Variants in PRRC1 observed in about 807,000 individuals in gnomAD.
The protein encoded by PRRC1 is proline rich coiled-coil 1.
In PRRC1, 39 loss-of-function variants were observed where a neutral mutation model predicts 40.7. The observed-to-expected ratio is 0.96, with a 90% CI of 0.74 to 1.25. PRRC1 has a LOEUF of 1.25. Among genes scored for constraint, PRRC1 ranks in the 50% most tolerant of loss-of-function variants. The probability of loss-of-function intolerance (pLI) is 0.00; values close to 1 mark genes in which losing one functional copy is unlikely to be tolerated. For synonymous variants in PRRC1, 175 were observed against 193.3 expected (o/e 0.91, Z 0.79); for missense variants, 573 against 548.3 (o/e 1.05, Z -0.45).
At chr5:127,544,616 T>C (rs1768159033) in intron 7 of PRRC1, among the ~76,000 whole-genome samples, 1 of 152,228 alleles carries the variant, frequency 6.6e-6, no homozygotes, top group African/African-American at 2.4e-5. Flanking sequence ...CGCTGCCGCC[T>C]TGCAGTTTGA....
intron 6 of PRRC1, among the ~76,000 whole-genome samples, chr5:127,534,186 T>C (rs949336841): frequency 2.6e-5 from 4 of 152,170 alleles, no homozygotes; most frequent in African/African-American, 9.7e-5. Flanking sequence ...TTTCATACTT[T>C]ATTTTCCTCT....
chr5:127,529,360 G>GT lies in PRRC1; in HGVS notation c.655-925dup, dbSNP rs202077910. Among the ~76,000 whole-genome samples the GT allele has an allele frequency of 1.1e-3, 165 of 151,176 alleles. 2 individuals are homozygous for GT. The highest frequency in any genetic ancestry group is 7.7e-3 in the Admixed American group (117 of 15,114). On this transcript the variant is annotated intron_variant, in intron 4 of 8. Coordinates refer to ENST00000296666, the MANE Select transcript of PRRC1 (RefSeq NM_130809.5). ...ATACCCCTCTGTACTTTTTTAAAAA[G>GT]TTTTTTTTTGCATACAGACTACAAC...
intron 4 of PRRC1, among the ~76,000 whole-genome samples, chr5:127,528,326 T>C (rs972647576): frequency 3.9e-5 from 6 of 152,164 alleles, no homozygotes; most frequent in Admixed American, 2.6e-4. Context: ...TTCTTTTCTC[T>C]TTTTTGAGAC....
At chr5:127,529,370 G>A (rs1767705102) in intron 4 of PRRC1, among the ~76,000 whole-genome samples, 1 of 150,492 alleles carries the variant, frequency 6.6e-6, no homozygotes, top group Admixed American at 6.6e-5. Flanking sequence ...GTTTTTTTTT[G>A]CATACAGACT....
At chr5:127,543,278 C>A (rs1476777644) in intron 7 of PRRC1, among the ~76,000 whole-genome samples, 1 of 151,990 alleles carries the variant, frequency 6.6e-6, no homozygotes, top group African/African-American at 2.4e-5. Flanking sequence ...GTGGGTAACC[C>A]GACCTTTCTC....
intron 1 of PRRC1, among the ~76,000 whole-genome samples, chr5:127,521,565 A>T (rs1369235007): frequency 5.9e-5 from 9 of 152,158 alleles, no homozygotes; most frequent in Non-Finnish European, 1.3e-4. Context: ...TAGAAGTAAA[A>T]TTGCCTTGCT....
chr5:127,526,826 ATAGATATT>A, intron 4 of PRRC1, 48 bp downstream of exon 4: 7 of 1,374,456 alleles, frequency 5.1e-6, no homozygotes, highest in Non-Finnish European at 6.8e-6. Flanking sequence ...TATAAAACTA[ATAGATATT>A]CATTAGAGAA....
chr5:127,519,456 C>T (rs1767402365), intron 1 of PRRC1, among the ~76,000 whole-genome samples: 1 of 152,162 alleles, frequency 6.6e-6, no homozygotes, highest in African/African-American at 2.4e-5. Context: ...GAAAACCGTT[C>T]TCCCTAAATT....
chr5:127,537,077 C>G (rs1767919327), intron 6 of PRRC1, among the ~76,000 whole-genome samples: 1 of 151,822 alleles, frequency 6.6e-6, no homozygotes, highest in Non-Finnish European at 1.5e-5. Flanking sequence ...TAGGAAGCTT[C>G]TAGAACTTTT....
At chr5:127,543,873 C>T (rs1223840127) in intron 7 of PRRC1, among the ~76,000 whole-genome samples, 2 of 152,244 alleles carry the variant, frequency 1.3e-5, no homozygotes, top group Non-Finnish European at 2.9e-5. Flanking sequence ...TCTCTCAACT[C>T]GTCAAAGTCA....
rs187127591 is a variant in PRRC1 at position 127,544,317 on chromosome 5, G to A, written c.1026-3502G>A. 3.1e-4 allele frequency among the ~76,000 whole-genome samples: 47 copies of A among 152,314 alleles called. No individual in the cohort carries two copies. The East Asian group carries it at 7.9e-3, about 26-fold the overall frequency. Reference sequence around the variant, plus strand: ...GGGGTGCCTCCCAGTTAGGCTGCTCGGGGGTCAGGGGTCAGGGGCCCACTT... The same window carrying A: ...GGGGTGCCTCCCAGTTAGGCTGCTCAGGGGTCAGGGGTCAGGGGCCCACTT... On this transcript the variant is annotated intron_variant, in intron 7 of 8. Transcript: ENST00000296666.
intron 1 of PRRC1, among the ~76,000 whole-genome samples, chr5:127,518,257 A>G (rs531531751): frequency 5.3e-4 from 81 of 152,270 alleles, no homozygotes; most frequent in Non-Finnish European, 8.5e-4. Flanking sequence ...GAGGCCCAGG[A>G]GGCTCGAGAG....
intron 7 of PRRC1, among the ~76,000 whole-genome samples, chr5:127,540,925 G>A (rs1007956518): frequency 2.6e-5 from 4 of 152,136 alleles, no homozygotes; most frequent in Non-Finnish European, 4.4e-5. Flanking sequence ...TAGGAGTGGT[G>A]AGAGAGGGCA....
chr5:127,539,098 C>T lies in PRRC1; in HGVS notation c.980C>T (p.Thr327Ile). The change falls in exon 7 of 9, where the codon ACA (threonine) becomes ATA (isoleucine). Residue 327 changes from threonine to isoleucine, a missense_variant. Thr to Ile is a moderately conservative substitution (Grantham distance 89). Transcript: ENST00000296666. ...ACTGGGGTGATCCATGAAAAACAGA[C>T]AGCTGTGTCAGTAGAAAACTTCATT... ...RRTGVIHEKQ[T>I]AVSVENFIAE... 1 of 1,612,976 alleles carries T rather than the reference C, an allele frequency of 6.2e-7. No homozygotes were observed. Among genetic ancestry groups the T allele is most frequent in the East Asian group, 2.2e-5 (1 of 44,854 alleles).
At chr5:127,543,538 A>G (rs1421456744) in intron 7 of PRRC1, among the ~76,000 whole-genome samples, 1 of 152,080 alleles carries the variant, frequency 6.6e-6, no homozygotes, top group East Asian at 1.9e-4. Context: ...GTCTTTTCAC[A>G]TAGTCCCATA....
chr5:127,539,035 T>A lies in PRRC1; in HGVS notation c.922-5T>A. The A allele has an allele frequency of 6.2e-7, 1 of 1,610,924 alleles. No individual in the cohort carries two copies. The highest frequency in any genetic ancestry group is 1.3e-5 in the African/African-American group (1 of 74,944). On this transcript the variant is annotated splice_polypyrimidine_tract_variant and splice_region_variant and intron_variant, in intron 6 of 8. Coordinates refer to ENST00000296666, the MANE Select transcript of PRRC1 (RefSeq NM_130809.5). ...TGGTCTCTAACCTCTGCCATTGTTG[T>A]TTAGGGTGCTCAGGAACGGATAGAT...
chr5:127,550,254 A>G (rs887744278), intron 8 of PRRC1: 1 of 152,130 alleles, frequency 6.6e-6, no homozygotes, highest in Non-Finnish European at 1.5e-5. Context: ...AATTTAGAAG[A>G]TACAAAACTG....
intron 6 of PRRC1, among the ~76,000 whole-genome samples, chr5:127,537,479 A>G (rs991377044): frequency 2.6e-5 from 4 of 151,952 alleles, no homozygotes; most frequent in East Asian, 1.9e-4. Context: ...TATGGATTTT[A>G]TAAACAAAAA....
At chr5:127,522,592 A>G (rs550249841) in intron 1 of PRRC1, among the ~76,000 whole-genome samples, 13 of 151,774 alleles carry the variant, frequency 8.6e-5, no homozygotes, top group African/African-American at 2.2e-4. Flanking sequence ...GAGTCTTCCT[A>G]TGGTGCCCAG....
Sources: gnomAD v4.1 joint callset for allele counts (sites outside exome capture counted in the v4.1 genomes callset) on GRCh38, gnomAD v4.1.1 for gene constraint, MANE v1.5 for transcripts, NCBI Gene and HGNC (gene_info 2026-07-23, HGNC 2026-07-21) for gene names.